Variants in MEGF6 observed in about 807,000 individuals in gnomAD.
The protein encoded by MEGF6 is multiple epidermal growth factor-like domains protein 6.
Under a neutral mutation model 207.1 loss-of-function variants are expected in MEGF6, and 184 were observed. That is an observed-to-expected ratio of 0.89 (90% CI 0.79 to 1.00). The LOEUF (loss-of-function observed/expected upper bound fraction) is 1.00. Ranked by LOEUF, MEGF6 falls within the 50% of genes least tolerant of loss-of-function variation. MEGF6 has a pLI of 0.00. For missense variants in MEGF6, 2,282 were observed against 2,202.9 expected, an observed-to-expected ratio of 1.04 and a Z score of -0.72; for synonymous variants, 1,038 against 910.0, an observed-to-expected ratio of 1.14 and a Z score of -2.53.
Position 3,597,777 on chromosome 1 carries a change from T to C in MEGF6, c.267-2330A>G, listed in dbSNP as rs368408736. ...GGGGCCCAGCCTGCCCACACCTTGA[T>C]CTCGGACTTCCGGCCTCTGAAGCTG... On this transcript the variant is annotated intron_variant, in intron 2 of 36. Transcript: ENST00000356575. Among the ~76,000 whole-genome samples, 11 of 152,064 alleles carry C rather than the reference T, an allele frequency of 7.2e-5. No individual in the cohort carries two copies. In the East Asian group the frequency reaches 7.8e-4, roughly 11 times the overall value.
At chr1:3,602,078 A>G (rs1275568630) in intron 2 of MEGF6, among the ~76,000 whole-genome samples, 2 of 152,224 alleles carry the variant, frequency 1.3e-5, no homozygotes, top group Admixed American at 6.5e-5. Flanking sequence ...AATCTTGCGC[A>G]GTAAAAAGTT....
At position 3,568,200 on chromosome 1, in the gene MEGF6, C is replaced by A. The variant is rs117184702; in HGVS notation, c.481+11625G>T. On this transcript the variant is annotated intron_variant, in intron 4 of 36. Coordinates refer to ENST00000356575, the MANE Select transcript of MEGF6 (RefSeq NM_001409.4). ...TGGGGTGCAGAGGCTCCCAGAGATTCCTGGAGTGATGAGGGGGTGAAGTGT... is the reference window on the plus strand; with the variant it reads ...TGGGGTGCAGAGGCTCCCAGAGATTACTGGAGTGATGAGGGGGTGAAGTGT... 1.1e-3 allele frequency among the ~76,000 whole-genome samples: 162 copies of A among 152,248 alleles called. 1 individual carries two copies. In the East Asian group the frequency reaches 0.02, roughly 19 times the overall value.
At chr1:3,591,728 C>A (rs1643981961) in intron 3 of MEGF6, among the ~76,000 whole-genome samples, 1 of 147,130 alleles carries the variant, frequency 6.8e-6, no homozygotes, top group Non-Finnish European at 1.5e-5. Context: ...TCACAAGGGA[C>A]CCGATGGGGG....
At chr1:3,588,500 G>A (rs1416488337) in intron 3 of MEGF6, among the ~76,000 whole-genome samples, 2 of 106,702 alleles carry the variant, frequency 1.9e-5, no homozygotes, top group African/African-American at 7.2e-5. Context: ...GAGGGGGCAG[G>A]ACAGGGCAGG....
chr1:3,556,299 T>A lies in MEGF6; in HGVS notation c.481+23526A>T, dbSNP rs1479337720. 3.3e-5 allele frequency among the ~76,000 whole-genome samples: 5 copies of A among 152,166 alleles called. No individual in the cohort carries two copies. Among genetic ancestry groups the A allele is most frequent in the African/African-American group, 1.2e-4 (5 of 41,428 alleles). On this transcript the variant is annotated intron_variant, in intron 4 of 36. Coordinates refer to ENST00000356575, the MANE Select transcript of MEGF6 (RefSeq NM_001409.4). This position sits in a 1 kb window ranked among gnomAD's most constrained non-coding sequence, Gnocchi z 4.4. The stretch of plus-strand genomic sequence containing the variant: ...CCCGCAGGCCAGGTCAGAATTAAAC[T>A]CCATGATCTTGGCACAAAGACACCC...
chr1:3,505,989 G>A (rs1010066248), intron 15 of MEGF6, 119 bp downstream of exon 15: 125 of 1,355,512 alleles, frequency 9.2e-5, no homozygotes, highest in Non-Finnish European at 7.2e-5. Flanking sequence ...CATCCCAGTG[G>A]GTGACCTGGC....
intron 5 of MEGF6, among the ~76,000 whole-genome samples, chr1:3,521,814 C>T (rs1391141189): frequency 6.6e-6 from 1 of 152,202 alleles, no homozygotes; most frequent in Non-Finnish European, 1.5e-5. Flanking sequence ...CAGAGGCCAC[C>T]ATGGGCAAGG....
Position 3,570,224 on chromosome 1 carries a change from G to T in MEGF6, c.481+9601C>A, listed in dbSNP as rs539432135. ...CCAGAGAAGCCAAAGTCAGGCACCTGCCCCACCCACTCAACCCACTTCAGG... is the reference window on the plus strand; with the variant it reads ...CCAGAGAAGCCAAAGTCAGGCACCTTCCCCACCCACTCAACCCACTTCAGG... On this transcript the variant is annotated intron_variant, in intron 4 of 36. Transcript: ENST00000356575. Among the ~76,000 whole-genome samples, 7 of 152,322 alleles carry T rather than the reference G, an allele frequency of 4.6e-5. No individual in the cohort carries two copies. The East Asian group carries it at 1.4e-3, about 29-fold the overall frequency.
At chr1:3,563,369 G>A (rs986629801) in intron 4 of MEGF6, among the ~76,000 whole-genome samples, 4 of 152,068 alleles carry the variant, frequency 2.6e-5, no homozygotes, top group Admixed American at 6.5e-5. Context: ...GCCTCCCACC[G>A]CCCAGACCAC....
chr1:3,585,861 C>A (rs2101792764), intron 3 of MEGF6, among the ~76,000 whole-genome samples: 1 of 139,046 alleles, frequency 7.2e-6, no homozygotes, highest in Admixed American at 7.5e-5. Context: ...GACACTTGTC[C>A]TGTGTGTGGG....
Position 3,501,192 on chromosome 1 carries a change from T to C in MEGF6, c.2431A>G (p.Ser811Gly). 1 of 1,612,370 alleles carries C rather than the reference T, an allele frequency of 6.2e-7. No homozygotes were observed. The highest frequency in any genetic ancestry group is 2.2e-5 in the East Asian group (1 of 44,864). The change falls in exon 19 of 37, where the codon AGC becomes GGC. Residue 811 changes from serine (S) to glycine (G), a missense_variant. Ser to Gly is a moderately conservative substitution (Grantham distance 56). Coordinates refer to ENST00000356575, the MANE Select transcript of MEGF6 (RefSeq NM_001409.4). ...GCTCACTCACCGTCCTGGCAGCGGC[T>C]GCCGACGAAGCCAGGGAGGCACAGG... ...ACLCLPGFVGSRCQDVCPAGW... is the reference protein window; with the variant it reads ...ACLCLPGFVGGRCQDVCPAGW...
intron 7 of MEGF6, 138 bp downstream of exon 7, chr1:3,514,412 A>G (rs1641462800): frequency 8.9e-7 from 1 of 1,123,082 alleles, no homozygotes; most frequent in Non-Finnish European, 1.2e-6. Flanking sequence ...GCCACATCCC[A>G]GGTCACCCAA....
intron 4 of MEGF6, among the ~76,000 whole-genome samples, chr1:3,576,511 C>T (rs1044538009): frequency 3.3e-5 from 5 of 152,114 alleles, no homozygotes; most frequent in Admixed American, 2.0e-4. Context: ...GTGAAATATT[C>T]CCAACTGCGT....
intron 4 of MEGF6, among the ~76,000 whole-genome samples, chr1:3,564,926 T>C (rs576127131): frequency 6.6e-6 from 1 of 151,958 alleles, no homozygotes; most frequent in Admixed American, 6.5e-5. Context: ...CCTGACATTT[T>C]CCATGGCCCC....
At chr1:3,511,393 A>G (rs1192762301) in intron 9 of MEGF6, among the ~76,000 whole-genome samples, 157 bp downstream of exon 9, 1 of 152,080 alleles carries the variant, frequency 6.6e-6, no homozygotes, top group Non-Finnish European at 1.5e-5. Flanking sequence ...CCTCTGTCAG[A>G]CCTGCCCTAC....
chr1:3,509,634 C>T (rs1641256763), intron 11 of MEGF6, among the ~76,000 whole-genome samples: 1 of 152,170 alleles, frequency 6.6e-6, no homozygotes, highest in Non-Finnish European at 1.5e-5. Context: ...ATGCCTGTCT[C>T]ACCAGCTTCC....
intron 4 of MEGF6, among the ~76,000 whole-genome samples, chr1:3,569,662 C>G (rs1468658513): frequency 6.6e-6 from 1 of 152,238 alleles, no homozygotes; most frequent in East Asian, 1.9e-4. Context: ...GAGGCCTGGT[C>G]GTCCTCTGAA....
At chr1:3,517,958 TA>T (rs1333210994) in intron 5 of MEGF6, among the ~76,000 whole-genome samples, 1 of 152,240 alleles carries the variant, frequency 6.6e-6, no homozygotes, top group Non-Finnish European at 1.5e-5. Context: ...TCAGCATGCA[TA>T]ATCGCACCGC....
intron 4 of MEGF6, among the ~76,000 whole-genome samples, chr1:3,534,892 C>T (rs193117041): frequency 2.0e-5 from 3 of 152,172 alleles, no homozygotes; most frequent in Non-Finnish European, 4.4e-5. Context: ...CTCCATTCCC[C>T]TTGGGGCTGC....
Sources: gnomAD v4.1 joint callset for allele counts (sites outside exome capture counted in the v4.1 genomes callset) on GRCh38, gnomAD v4.1.1 for gene constraint, Gnocchi (gnomAD v3.1) non-coding constraint, MANE v1.5 for transcripts, NCBI Gene and HGNC (gene_info 2026-07-23, HGNC 2026-07-21) for gene names.